Variants in UNC5B observed in about 807,000 individuals in gnomAD.
The protein encoded by UNC5B is unc-5 netrin receptor B, also known as netrin receptor UNC5B.
In UNC5B, 56 loss-of-function variants were observed where a neutral mutation model predicts 103.7. That is an observed-to-expected ratio of 0.54 (90% CI 0.44 to 0.67). The LOEUF (loss-of-function observed/expected upper bound fraction) is 0.67. Among genes scored for constraint, UNC5B ranks in the 30% least tolerant of loss-of-function variants. UNC5B has a pLI of 0.00. For synonymous variants in UNC5B, 577 were observed against 542.0 expected (o/e 1.06, Z -0.90); for missense variants, 1,194 against 1,284.5 (o/e 0.93, Z 1.08).
At chr10:71,238,718 A>G (rs2132256904) in intron 1 of UNC5B, among the ~76,000 whole-genome samples, 1 of 152,258 alleles carries the variant, frequency 6.6e-6, no homozygotes, top group South Asian at 2.1e-4. Flanking sequence ...GGCCTCCCAA[A>G]GTGCTGGGAT....
intron 1 of UNC5B, among the ~76,000 whole-genome samples, chr10:71,272,392 G>A (rs530862745): frequency 3.9e-5 from 6 of 152,278 alleles, no homozygotes; most frequent in African/African-American, 1.4e-4. Context: ...CCAGGCCTGT[G>A]GACAAAAGCC....
At chr10:71,220,988 T>C (rs1029460346) in intron 1 of UNC5B, among the ~76,000 whole-genome samples, 2 of 152,204 alleles carry the variant, frequency 1.3e-5, no homozygotes, top group African/African-American at 4.8e-5. Context: ...GGATGATCCA[T>C]ACAGGATGTG....
Position 71,295,829 on chromosome 10 carries a change from C to T in UNC5B, c.2194C>T (p.Arg732Trp), listed in dbSNP as rs775733714. 57 of 1,612,384 alleles carry T rather than the reference C, an allele frequency of 3.5e-5. No homozygotes were observed. Among genetic ancestry groups the T allele is most frequent in the Middle Eastern group, 4.1e-4 (2 of 4,908 alleles). Reference sequence around the variant, plus strand: ...CCCACAGGAGGTGCTGGAGCTGGAGCGGACTCTGGGCGGATACTTGGTGGA... The same window carrying T: ...CCCACAGGAGGTGCTGGAGCTGGAGTGGACTCTGGGCGGATACTTGGTGGA... ...VALKEVLELE[R>W]TLGGYLVEEP... Residue 732 changes from arginine to tryptophan, a missense_variant, in exon 14 of 17, where the codon CGG becomes TGG. Arg to Trp is a moderately radical substitution (Grantham distance 101, BLOSUM62 -3). Transcript: ENST00000335350.
intron 1 of UNC5B, among the ~76,000 whole-genome samples, chr10:71,267,403 T>C (rs1056578605): frequency 2.0e-5 from 3 of 152,174 alleles, no homozygotes; most frequent in Non-Finnish European, 2.9e-5. Flanking sequence ...GAAAGTGAGC[T>C]GATTCCTTGG....
intron 11 of UNC5B, among the ~76,000 whole-genome samples, chr10:71,293,069 G>A (rs748522467): frequency 5.3e-5 from 8 of 152,156 alleles, no homozygotes; most frequent in Non-Finnish European, 7.4e-5. Flanking sequence ...TCTGTGGCAC[G>A]TGGCCGGGAG....
rs1218058081 is a variant in UNC5B, at chr10:71,293,565, C to T, written c.1933C>T (p.His645Tyr). Residue 645 changes from histidine (H) to tyrosine (Y), a missense_variant, in exon 12 of 17, where the codon CAC becomes TAC. His to Tyr is a moderately conservative substitution (Grantham distance 83). Coordinates refer to ENST00000335350, the MANE Select transcript of UNC5B (RefSeq NM_170744.5). Reference protein sequence around the residue: ...FQLKTQAHQGHWEEVVTLDEE... With the variant: ...FQLKTQAHQGYWEEVVTLDEE... ...GCTCAAGACCCAGGCCCACCAGGGC[C>T]ACTGGGAGGTGAGGAGCCACGGTGA... 1.2e-6 allele frequency: 2 copies of T among 1,613,826 alleles called. No individual in the cohort carries two copies. Among genetic ancestry groups the T allele is most frequent in the Non-Finnish European group, 8.5e-7 (1 of 1,179,990 alleles).
At chr10:71,228,308 C>A (rs902340615) in intron 1 of UNC5B, among the ~76,000 whole-genome samples, 4 of 151,796 alleles carry the variant, frequency 2.6e-5, no homozygotes, top group Non-Finnish European at 5.9e-5. Flanking sequence ...GGCTTTCTAA[C>A]TATGACTTAA....
At chr10:71,258,379 G>C (rs551333010) in intron 1 of UNC5B, among the ~76,000 whole-genome samples, 15 of 152,292 alleles carry the variant, frequency 9.8e-5, no homozygotes, top group African/African-American at 3.4e-4. Flanking sequence ...CAGAAAGAGA[G>C]GGCTCACAAA....
Position 71,292,489 on chromosome 10 carries a change from T to A in UNC5B, c.1707T>A (p.Asn569Lys). Residue 569 changes from asparagine to lysine, a missense_variant, in exon 11 of 17, where the codon AAT (asparagine) becomes AAA (lysine). Asn to Lys is a moderately conservative substitution (Grantham distance 94). Transcript: ENST00000335350. The stretch of plus-strand genomic sequence containing the variant: ...TAGGGGTCAGCTTGCTGGTGCCCAA[T>A]GGAGCCATTCCCCAGGGCAAGTTCT... ...PGTGVSLLVPNGAIPQGKFYE... is the reference protein window; with the variant it reads ...PGTGVSLLVPKGAIPQGKFYE... 9.4e-6 allele frequency: 15 copies of A among 1,602,768 alleles called. No homozygotes were observed. Among genetic ancestry groups the A allele is most frequent in the Non-Finnish European group, 1.3e-5 (15 of 1,174,706 alleles).
chr10:71,234,511 C>T (rs1405097984), intron 1 of UNC5B, among the ~76,000 whole-genome samples: 2 of 152,210 alleles, frequency 1.3e-5, no homozygotes, highest in East Asian at 1.9e-4. Context: ...AGCAAAGCCC[C>T]TTGTATGACC....
chr10:71,241,717 G>C (rs1345191941), intron 1 of UNC5B, among the ~76,000 whole-genome samples: 2 of 151,988 alleles, frequency 1.3e-5, no homozygotes, highest in African/African-American at 4.8e-5. Flanking sequence ...CAGGCTGTCG[G>C]AACTGGAAAG....
chr10:71,260,751 C>T (rs908641146), intron 1 of UNC5B, among the ~76,000 whole-genome samples: 4 of 152,168 alleles, frequency 2.6e-5, no homozygotes, highest in East Asian at 1.9e-4. Flanking sequence ...GGCCAGAAGA[C>T]GGGAGGAGGA....
At chr10:71,237,968 G>A (rs1843810319) in intron 1 of UNC5B, among the ~76,000 whole-genome samples, 1 of 152,146 alleles carries the variant, frequency 6.6e-6, no homozygotes, top group African/African-American at 2.4e-5. Context: ...GGGGATCAAG[G>A]GGCTTCCTGT....
At chr10:71,231,231 C>G (rs755274312) in intron 1 of UNC5B, among the ~76,000 whole-genome samples, 1 of 152,198 alleles carries the variant, frequency 6.6e-6, no homozygotes, top group Non-Finnish European at 1.5e-5. Context: ...CAAGCATTTC[C>G]TGCTGGGCAC....
At chr10:71,214,259 C>A (rs182928751) in intron 1 of UNC5B, among the ~76,000 whole-genome samples, 1 of 152,196 alleles carries the variant, frequency 6.6e-6, no homozygotes, top group Non-Finnish European at 1.5e-5. Flanking sequence ...GCCCTTCCCC[C>A]CTCCATAGCC....
At chr10:71,294,405 C>T (rs538283891) in intron 13 of UNC5B, among the ~76,000 whole-genome samples, 1 of 152,278 alleles carries the variant, frequency 6.6e-6, no homozygotes, top group African/African-American at 2.4e-5. Flanking sequence ...CCTCAGGGCC[C>T]CTTGCCAAGG....
chr10:71,276,233 G>A (rs1844768162), intron 1 of UNC5B, among the ~76,000 whole-genome samples: 1 of 152,092 alleles, frequency 6.6e-6, no homozygotes, highest in African/African-American at 2.4e-5. Context: ...TCTCTGTCTA[G>A]GGTTATTATG....
intron 1 of UNC5B, among the ~76,000 whole-genome samples, chr10:71,241,466 G>C (rs1843899897): frequency 6.6e-6 from 1 of 152,212 alleles, no homozygotes; most frequent in Non-Finnish European, 1.5e-5. Flanking sequence ...TCCTGGGTTA[G>C]TGCTGTCTCC....
In UNC5B at chr10:71,288,959, T is replaced by C; in HGVS notation, c.1068T>C (p.Asn356=). The C allele has an allele frequency of 6.2e-7, 1 of 1,612,832 alleles. No individual in the cohort carries two copies. The highest frequency in any genetic ancestry group is 1.1e-5 in the South Asian group (1 of 91,056). Residue 356 remains asparagine, a splice_region_variant and synonymous_variant, in exon 8 of 17, where the codon AAT becomes AAC. Transcript: ENST00000335350. ...CTTTCCCTTTATTTCCCTTGACAGA[T>C]AAGAAAACTCTAAGCGACCCCAACA... ...KNCTDGLCMQ[N]KKTLSDPNSH...
Sources: allele counts gnomAD v4.1 joint callset (sites outside exome capture counted in the v4.1 genomes callset), GRCh38; gene constraint gnomAD v4.1.1; transcripts MANE v1.5; gene names NCBI Gene and HGNC (gene_info 2026-07-23, HGNC 2026-07-21).